The following RNF170 variants were observed in gnomAD, a reference collection of about 807,000 sequenced individuals.
RNF170 encodes the protein ring finger protein 170.
A neutral mutation model predicts 32.7 loss-of-function variants in RNF170; 12 were observed. The observed-to-expected ratio is 0.37, with a 90% confidence interval of 0.24 to 0.60. The LOEUF (loss-of-function observed/expected upper bound fraction) is 0.60. Among genes scored for constraint, RNF170 ranks in the 20% least tolerant of loss-of-function variants. The pLI is 0.72. For synonymous variants in RNF170, 91 were observed against 103.6 expected (o/e 0.88, Z 0.74); for missense variants, 212 against 311.2 (o/e 0.68, Z 2.40).
Position 42,873,959 on chromosome 8 carries a change from AC to A in RNF170, c.184del (p.Val62TyrfsTer72). On this transcript the variant is annotated frameshift_variant, in exon 3 of 7. Transcript: ENST00000527424. LOFTEE classifies it high-confidence loss of function. ...IHPENQELVR[V>X]LREQLQTEQD... Reference sequence around the variant, plus strand: ...TTCTGTTTGAAGCTGTTCTCGAAGTACCCTTACTAGCTCCTGGTTTTCTGGG... The same window carrying A: ...TTCTGTTTGAAGCTGTTCTCGAAGTACCTTACTAGCTCCTGGTTTTCTGGG... The A allele has an allele frequency of 6.2e-7, 1 of 1,602,620 alleles. No homozygotes were observed. Among genetic ancestry groups the A allele is most frequent in the Non-Finnish European group, 8.5e-7 (1 of 1,169,712 alleles).
chr8:42,894,306 G>T (rs1051769344), intron 1 of RNF170, among the ~76,000 whole-genome samples: 4 of 152,212 alleles, frequency 2.6e-5, no homozygotes, highest in Non-Finnish European at 5.9e-5. Flanking sequence ...GAGGAAGGGT[G>T]CTCAGGACGG....
intron 2 of RNF170, among the ~76,000 whole-genome samples, chr8:42,878,693 A>G (rs1192221912): frequency 6.6e-6 from 1 of 152,280 alleles, no homozygotes; most frequent in African/African-American, 2.4e-5. Flanking sequence ...AGCTAAGATC[A>G]TTGATGAAGG....
In RNF170 at chr8:42,882,362, T is replaced by C. The variant is rs1445780303; in HGVS notation, c.137+5366A>G. Among the ~76,000 whole-genome samples the C allele has an allele frequency of 8.5e-5, 13 of 152,170 alleles. No individual in the cohort carries two copies. In the East Asian group the frequency reaches 2.5e-3, roughly 29 times the overall value. On this transcript the variant is annotated intron_variant, in intron 2 of 6. Transcript: ENST00000527424. ...GACAGATGAATGGAGAAACTAAATA[T>C]GGTATGTACATACAATGAGAAATTT...
At position 42,855,648 on chromosome 8, in the gene RNF170, G is replaced by C; in HGVS notation, c.*511C>G. 7.8e-7 allele frequency: 1 copy of C among 1,285,448 alleles called. No individual in the cohort carries two copies. The highest frequency in any genetic ancestry group is 1.2e-5 in the South Asian group (1 of 80,766). 79.6% of individuals were successfully genotyped at this position (1,285,448 alleles called of 1,614,324 possible). A position where few individuals can be genotyped will look rare whatever the true frequency, so the allele number is the denominator to read the frequency against. The stretch of plus-strand genomic sequence containing the variant: ...TTAATTATACCAGAATGAAAAGGCA[G>C]AACTGCTCCAAATGCACAAAACTTA... On this transcript the variant is annotated 3_prime_UTR_variant, in exon 7 of 7. Transcript: ENST00000527424.
At chr8:42,877,205 C>T (rs1237935152) in intron 2 of RNF170, among the ~76,000 whole-genome samples, 2 of 151,938 alleles carry the variant, frequency 1.3e-5, no homozygotes, top group Admixed American at 1.3e-4. Context: ...GGATTACAGG[C>T]GTGAGCCACT....
chr8:42,880,789 C>T (rs1282942909), intron 2 of RNF170, among the ~76,000 whole-genome samples: 3 of 152,056 alleles, frequency 2.0e-5, no homozygotes, highest in African/African-American at 7.2e-5. Context: ...GAAACTGCCA[C>T]AGCCACCTCA....
chr8:42,880,769 C>CA (rs539234451), intron 2 of RNF170, among the ~76,000 whole-genome samples: 9 of 150,298 alleles, frequency 6.0e-5, no homozygotes, highest in East Asian at 1.9e-4. Flanking sequence ...TACTCTGTCT[C>CA]AAAAAAAAAG....
At chr8:42,867,775 C>CAAAAAAAAAAAAAAAAAAAAA (rs1054907767) in intron 4 of RNF170, among the ~76,000 whole-genome samples, 8 of 24,768 alleles carry the variant, frequency 3.2e-4, no homozygotes, top group East Asian at 1.2e-3. Flanking sequence ...GACTCCATCT[C>CAAAAAAAAAAAAAAAAAAAAA]AAAAAAAAAA....
At chr8:42,893,997 A>G (rs1028112216) in intron 1 of RNF170, among the ~76,000 whole-genome samples, 8 of 152,230 alleles carry the variant, frequency 5.3e-5, no homozygotes, top group Non-Finnish European at 7.3e-5. Flanking sequence ...GAAAAAAAAT[A>G]AAACACACAG....
intron 1 of RNF170, among the ~76,000 whole-genome samples, chr8:42,888,639 T>C (rs1012496320): frequency 6.6e-6 from 1 of 151,898 alleles, no homozygotes; most frequent in African/African-American, 2.4e-5. Flanking sequence ...GTGCCTGTAA[T>C]GTCAGCTACT....
intron 1 of RNF170, among the ~76,000 whole-genome samples, chr8:42,893,076 A>C (rs2130212789): frequency 6.6e-6 from 1 of 152,170 alleles, no homozygotes; most frequent in Non-Finnish European, 1.5e-5. Flanking sequence ...ACTATTATAC[A>C]TCTATAAAAA....
At position 42,855,458 on chromosome 8, in the gene RNF170, G is replaced by A. The variant is rs778361123; in HGVS notation, c.*701C>T. 5 of 915,890 alleles carry A rather than the reference G, an allele frequency of 5.5e-6. No homozygotes were observed. The highest frequency in any genetic ancestry group is 1.7e-5 in the African/African-American group (1 of 58,254). 56.7% of individuals were successfully genotyped at this position (915,890 alleles called of 1,614,324 possible). ...GATCTCCTGACCTTGTGATCTACCCGCCTCAGCCTCCCAAAGTGCTAGGAT... is the reference window on the plus strand; with the variant it reads ...GATCTCCTGACCTTGTGATCTACCCACCTCAGCCTCCCAAAGTGCTAGGAT... On this transcript the variant is annotated 3_prime_UTR_variant, in exon 7 of 7. Coordinates refer to ENST00000527424, the MANE Select transcript of RNF170 (RefSeq NM_030954.4).
At position 42,854,214 on chromosome 8, in the gene RNF170, T is replaced by C; in HGVS notation, c.*1945A>G. 1 of 1,287,272 alleles carries C rather than the reference T, an allele frequency of 7.8e-7. No individual in the cohort carries two copies. The highest frequency in any genetic ancestry group is 1.2e-5 in the South Asian group (1 of 80,944). 79.7% of individuals were successfully genotyped at this position (1,287,272 alleles called of 1,614,324 possible). ...CCTCTTAGGAGTGCCTAAGCTGTCT[T>C]ACTCTGATGGAGGTATAATGTAGCA... On this transcript the variant is annotated 3_prime_UTR_variant, in exon 7 of 7. Transcript: ENST00000527424.
chr8:42,854,232 A>G lies in RNF170; in HGVS notation c.*1927T>C. On this transcript the variant is annotated 3_prime_UTR_variant, in exon 7 of 7. Coordinates refer to ENST00000527424, the MANE Select transcript of RNF170 (RefSeq NM_030954.4). ...GCTGTCTTACTCTGATGGAGGTATA[A>G]TGTAGCACGAAAGACTTCCAAAGAA... 1 of 1,287,214 alleles carries G rather than the reference A, an allele frequency of 7.8e-7. No homozygotes were observed. The highest frequency in any genetic ancestry group is 1.0e-6 in the Non-Finnish European group (1 of 988,692). 79.7% of individuals were successfully genotyped at this position (1,287,214 alleles called of 1,614,324 possible).
At chr8:42,858,949 G>A (rs1803450106) in intron 6 of RNF170, among the ~76,000 whole-genome samples, 1 of 152,196 alleles carries the variant, frequency 6.6e-6, no homozygotes, top group Non-Finnish European at 1.5e-5. Flanking sequence ...TTGGGAGGCC[G>A]AGGTGGGAGG....
At chr8:42,883,855 A>T (rs1022549602) in intron 2 of RNF170, among the ~76,000 whole-genome samples, 1 of 152,210 alleles carries the variant, frequency 6.6e-6, no homozygotes, top group Non-Finnish European at 1.5e-5. Context: ...GACTTGTCTG[A>T]ATTTTAAACT....
At chr8:42,861,970 T>G in intron 5 of RNF170, 115 bp from the exon 6 acceptor site, 1 of 1,217,434 alleles carries the variant, frequency 8.2e-7, no homozygotes, top group East Asian at 2.7e-5. Context: ...TTCACTCATT[T>G]TTAAATAAAG....
chr8:42,850,477 T>A (rs545355083), downstream of RNF170: 2 of 374,520 alleles, frequency 5.3e-6, no homozygotes, highest in South Asian at 4.9e-5. Flanking sequence ...GATCTTTCCT[T>A]GTCTTCTGCC....
intron 2 of RNF170, among the ~76,000 whole-genome samples, chr8:42,884,787 T>G (rs373772000): frequency 1.1e-4 from 16 of 147,866 alleles, no homozygotes; most frequent in Admixed American, 1.0e-3. Flanking sequence ...CTGCAACCTC[T>G]GCTTCCCAGG....
Sources: gnomAD v4.1 joint callset for allele counts (sites outside exome capture counted in the v4.1 genomes callset) on GRCh38, gnomAD v4.1.1 for gene constraint, MANE v1.5 for transcripts, NCBI Gene and HGNC (gene_info 2026-07-23, HGNC 2026-07-21) for gene names.